AFF2: variants seen among roughly 807,000 people sequenced by gnomAD.
AFF2 encodes the protein ALF transcription elongation factor 2, also known as AF4/FMR2 family member 2.
A neutral mutation model predicts 76.9 loss-of-function variants in AFF2; 14 were observed. The observed-to-expected ratio is 0.18, with a 90% CI of 0.12 to 0.28. The LOEUF is 0.28. Ranked by LOEUF, AFF2 falls within the 10% of genes least tolerant of loss-of-function variation. AFF2 has a pLI of 1.00. For missense variants in AFF2, 868 were observed against 1,001.1 expected (o/e 0.87, Z 1.79); for synonymous variants, 398 against 366.7 (o/e 1.09, Z -0.98).
intron 1 of AFF2, among the ~76,000 whole-genome samples, chrX:148,642,773 G>A (rs1002499948): frequency 3.6e-5 from 4 of 112,157 alleles, no homozygotes; most frequent in African/African-American, 1.3e-4. Context: ...AGGAGGAGGT[G>A]AAGGAAGAGG....
At chrX:148,593,356 T>C (rs901301765) in intron 1 of AFF2, among the ~76,000 whole-genome samples, 2 of 112,280 alleles carry the variant, frequency 1.8e-5, no homozygotes, top group Middle Eastern at 4.2e-3. Context: ...AAGAGGAAGT[T>C]TGGCAAAGAA....
intron 9 of AFF2, among the ~76,000 whole-genome samples, chrX:148,924,962 C>T (rs1377200428): frequency 8.9e-6 from 1 of 112,520 alleles, no homozygotes; most frequent in Non-Finnish European, 1.9e-5. Flanking sequence ...CTTGCACAGA[C>T]TTCTAAATCT....
At chrX:148,984,355 C>T (rs1198984050) in intron 19 of AFF2, among the ~76,000 whole-genome samples, 3 of 110,728 alleles carry the variant, frequency 2.7e-5, no homozygotes, top group Admixed American at 9.6e-5. Flanking sequence ...TGTGCATGCT[C>T]ATTTGCATGT....
intron 6 of AFF2, 87 bp from the exon 7 acceptor site, chrX:148,843,295 A>G: frequency 1.3e-6 from 1 of 780,216 alleles, no homozygotes; most frequent in Non-Finnish European, 1.9e-6. Flanking sequence ...AACTCGGGGG[A>G]CTGCATGTTT....
chrX:148,817,343 T>C (rs980633622), intron 4 of AFF2, among the ~76,000 whole-genome samples: 1 of 111,425 alleles, frequency 9.0e-6, no homozygotes, highest in African/African-American at 3.3e-5. Context: ...GTAGCAATTT[T>C]CTCAGCTCTG....
At chrX:148,782,893 T>C (rs2069763310) in intron 3 of AFF2, among the ~76,000 whole-genome samples, 1 of 111,781 alleles carries the variant, frequency 8.9e-6, no homozygotes, top group Admixed American at 9.5e-5. Flanking sequence ...CCTGAAGTCT[T>C]GTTAGAAAGG....
At chrX:148,709,076 T>C (rs1557262663) in intron 3 of AFF2, among the ~76,000 whole-genome samples, 1 of 111,915 alleles carries the variant, frequency 8.9e-6, no homozygotes, top group East Asian at 2.8e-4. Context: ...TTTGTGAATA[T>C]AATTTTATGG....
At chrX:148,505,834 T>C (rs2052407081) in intron 1 of AFF2, among the ~76,000 whole-genome samples, 1 of 111,987 alleles carries the variant, frequency 8.9e-6, no homozygotes, top group Non-Finnish European at 1.9e-5. Flanking sequence ...TGTTTTTCTT[T>C]TTCTGATTGC....
chrX:148,601,982 AAAC>A (rs1340906965), intron 1 of AFF2, among the ~76,000 whole-genome samples: 1 of 112,089 alleles, frequency 8.9e-6, no homozygotes, highest in Admixed American at 9.5e-5. Flanking sequence ...TAACCAGACC[AAAC>A]AACAAGTGAT....
At chrX:148,983,953 C>CCAAAAAAAAAAAAAA (rs2072427363) in intron 19 of AFF2, among the ~76,000 whole-genome samples, 1 of 29,124 alleles carries the variant, frequency 3.4e-5, no homozygotes, top group Non-Finnish European at 5.9e-5. Context: ...GTGAAATAGA[C>CCAAAAAAAAAAAAAA]AAAAAAAAAA....
chrX:148,793,730 A>G (rs2069931178), intron 3 of AFF2, among the ~76,000 whole-genome samples: 1 of 111,947 alleles, frequency 8.9e-6, no homozygotes, highest in African/African-American at 3.2e-5. Flanking sequence ...GGTTAATCCC[A>G]TACCTTCCAT....
At chrX:148,654,884 G>T (rs1363797893) in intron 2 of AFF2, among the ~76,000 whole-genome samples, 1 of 109,888 alleles carries the variant, frequency 9.1e-6, no homozygotes, top group Non-Finnish European at 1.9e-5. Flanking sequence ...CTTTGGATGG[G>T]TTAGAAAAAT....
intron 3 of AFF2, among the ~76,000 whole-genome samples, chrX:148,686,014 T>G (rs915125615): frequency 2.7e-5 from 3 of 110,810 alleles, no homozygotes; most frequent in Non-Finnish European, 5.7e-5. Flanking sequence ...TCTTCTTTCT[T>G]TTCTTCTCAG....
At chrX:148,701,351 G>A (rs1411706517) in intron 3 of AFF2, among the ~76,000 whole-genome samples, 1 of 110,790 alleles carries the variant, frequency 9.0e-6, no homozygotes, top group Non-Finnish European at 1.9e-5. Flanking sequence ...TTTAAAAATG[G>A]CACTTTAAAG....
chrX:148,852,896 C>T (rs1306363888), intron 7 of AFF2, among the ~76,000 whole-genome samples: 3 of 111,651 alleles, frequency 2.7e-5, no homozygotes, highest in Non-Finnish European at 5.6e-5. Flanking sequence ...TGCAATTTCA[C>T]TGGTTCACTT....
intron 7 of AFF2, among the ~76,000 whole-genome samples, chrX:148,869,171 A>G: frequency 8.9e-6 from 1 of 111,930 alleles, no homozygotes; most frequent in South Asian, 3.8e-4. Context: ...AGGCAAATCA[A>G]TAGAGACAGA....
At position 148,515,620 on chromosome X, in the gene AFF2, A is replaced by G. The variant is rs1476378852; in HGVS notation, c.47+14476A>G. Among the ~76,000 whole-genome samples the G allele has an allele frequency of 3.6e-5, 4 of 112,208 alleles. No individual in the cohort carries two copies. The Admixed American group carries it at 3.8e-4, about 11-fold the overall frequency. ...GAGTTGTAAAAATCATAAAAGCTAT[A>G]ACGATATAAAAAGAAATGTGATCAA... On this transcript the variant is annotated intron_variant, in intron 1 of 20. Coordinates refer to ENST00000370460, the MANE Select transcript of AFF2 (RefSeq NM_002025.4).
At chrX:148,616,004 G>A (rs1395983387) in intron 1 of AFF2, among the ~76,000 whole-genome samples, 1 of 111,799 alleles carries the variant, frequency 8.9e-6, no homozygotes, top group Non-Finnish European at 1.9e-5. Context: ...TTATCCAGAT[G>A]TCTGACATCA....
At chrX:148,891,896 A>T (rs782675572) in intron 8 of AFF2, among the ~76,000 whole-genome samples, 40 of 112,145 alleles carry the variant, frequency 3.6e-4, no homozygotes, top group Non-Finnish European at 5.1e-4. Context: ...TATGAATTAG[A>T]TTGAAATATT....
Sources: allele counts gnomAD v4.1 joint callset (sites outside exome capture counted in the v4.1 genomes callset), GRCh38; gene constraint gnomAD v4.1.1; transcripts MANE v1.5; gene names NCBI Gene and HGNC (gene_info 2026-07-23, HGNC 2026-07-21).